Variants in DLGAP1 observed in about 807,000 individuals in gnomAD.
DLGAP1 encodes DLG associated protein 1.
Under a neutral mutation model 90.8 loss-of-function variants are expected in DLGAP1, and 11 were observed. The observed-to-expected ratio is 0.12, with a 90% CI of 0.08 to 0.20. The LOEUF is 0.20. Ranked by LOEUF, DLGAP1 falls within the 10% of genes least tolerant of loss-of-function variation. The pLI is 1.00. For synonymous variants in DLGAP1, 558 were observed against 540.7 expected (o/e 1.03, Z -0.44); for missense variants, 1,050 against 1,333.8 (o/e 0.79, Z 3.31).
At chr18:4,090,171 C>A (rs1017744777) in intron 2 of DLGAP1, among the ~76,000 whole-genome samples, 8 of 152,122 alleles carry the variant, frequency 5.3e-5, no homozygotes, top group Non-Finnish European at 1.2e-4. Flanking sequence ...CAATACTATT[C>A]AGGACATAGG....
chr18:3,814,881 T>C (rs1434803000), intron 4 of DLGAP1, among the ~76,000 whole-genome samples: 1 of 152,240 alleles, frequency 6.6e-6, no homozygotes, highest in Admixed American at 6.5e-5. Context: ...ATTGGTAATA[T>C]AATTATCTGA....
chr18:4,317,508 A>G (rs539383700), intron 1 of DLGAP1, among the ~76,000 whole-genome samples: 1 of 152,204 alleles, frequency 6.6e-6, no homozygotes, highest in South Asian at 2.1e-4. Context: ...TTCTTGCTCT[A>G]TTTTCTGTTT....
chr18:3,866,297 G>C (rs915811342), intron 4 of DLGAP1, among the ~76,000 whole-genome samples: 1 of 152,116 alleles, frequency 6.6e-6, no homozygotes, highest in Non-Finnish European at 1.5e-5. Context: ...CCAATTTTTT[G>C]GGGGGAACTT....
At chr18:3,602,848 A>T (rs997340643) in intron 7 of DLGAP1, among the ~76,000 whole-genome samples, 1 of 152,122 alleles carries the variant, frequency 6.6e-6, no homozygotes, top group Non-Finnish European at 1.5e-5. Flanking sequence ...AGCAACTATA[A>T]ATACTGCAAA....
At chr18:3,715,731 C>T (rs754364539) in intron 7 of DLGAP1, among the ~76,000 whole-genome samples, 1 of 152,118 alleles carries the variant, frequency 6.6e-6, no homozygotes, top group Non-Finnish European at 1.5e-5. Flanking sequence ...ACAGGTACAA[C>T]TGAAAGCATG....
intron 6 of DLGAP1, among the ~76,000 whole-genome samples, chr18:3,731,603 C>A (rs1168157972): frequency 6.3e-5 from 9 of 142,436 alleles, no homozygotes; most frequent in Admixed American, 4.4e-4. Context: ...GACAGGGTTT[C>A]CCCATGTTTC....
intron 7 of DLGAP1, among the ~76,000 whole-genome samples, chr18:3,610,311 T>A (rs2057543893): frequency 6.6e-6 from 1 of 152,122 alleles, no homozygotes; most frequent in Admixed American, 6.5e-5. Context: ...CAGCTAGGCT[T>A]TTTCTGAGGC....
intron 2 of DLGAP1, among the ~76,000 whole-genome samples, chr18:4,039,577 A>C (rs555894615): frequency 6.6e-6 from 1 of 152,244 alleles, no homozygotes; most frequent in Non-Finnish European, 1.5e-5. Flanking sequence ...TAGAAAGGGA[A>C]TATACATTGT....
intron 5 of DLGAP1, among the ~76,000 whole-genome samples, chr18:3,779,147 T>G (rs1009176694): frequency 1.3e-5 from 2 of 152,202 alleles, no homozygotes; most frequent in African/African-American, 2.4e-5. Flanking sequence ...TCTCAGAGCC[T>G]AGATCCTGGT....
chr18:4,332,212 A>G (rs1312176028), intron 1 of DLGAP1, among the ~76,000 whole-genome samples: 1 of 151,972 alleles, frequency 6.6e-6, no homozygotes, highest in Admixed American at 6.5e-5. Flanking sequence ...ATATTAATCG[A>G]AACTTTAGTT....
intron 1 of DLGAP1, among the ~76,000 whole-genome samples, chr18:4,317,791 T>C (rs898260421): frequency 2.6e-5 from 4 of 152,228 alleles, no homozygotes; most frequent in Admixed American, 6.5e-5. Context: ...GCTATTGCCA[T>C]TGGGCAGTTA....
chr18:3,513,376 A>C (rs1300617077), intron 10 of DLGAP1, among the ~76,000 whole-genome samples: 2 of 152,202 alleles, frequency 1.3e-5, no homozygotes, highest in African/African-American at 4.8e-5. Flanking sequence ...ATGGGGTCCT[A>C]TAGCCCTGAA....
At chr18:4,055,381 C>T (rs947104445) in intron 2 of DLGAP1, among the ~76,000 whole-genome samples, 2 of 152,168 alleles carry the variant, frequency 1.3e-5, no homozygotes, top group African/African-American at 4.8e-5. Context: ...ATTTCATCAT[C>T]CAGATGATAA....
In DLGAP1 at chr18:4,383,178, A is replaced by T. The variant is rs1350525842; in HGVS notation, c.-267+71828T>A. Among the ~76,000 whole-genome samples the T allele has an allele frequency of 6.6e-6, 1 of 152,186 alleles. No homozygotes were observed. The highest frequency in any genetic ancestry group is 2.4e-5 in the African/African-American group (1 of 41,440). ...AGAATTACTGCATCATTATCCAGAT[A>T]GAACAAAAGCACAAACAAAACATTA... On this transcript the variant is annotated intron_variant, in intron 1 of 12. Transcript: ENST00000315677. The surrounding 1 kb of genome is among the most constrained non-coding windows in gnomAD (Gnocchi z 4.0).
At chr18:4,314,738 G>A (rs1324840161) in intron 1 of DLGAP1, among the ~76,000 whole-genome samples, 1 of 152,142 alleles carries the variant, frequency 6.6e-6, no homozygotes, top group East Asian at 1.9e-4. Context: ...GACCTTCAGA[G>A]GGATTATGAC....
intron 7 of DLGAP1, among the ~76,000 whole-genome samples, chr18:3,626,599 A>AAAG (rs2058305302): frequency 6.6e-6 from 1 of 151,652 alleles, no homozygotes. Context: ...CCTGTTAAAA[A>AAAG]AAAAAAAAAA....
chr18:4,052,951 T>A (rs981006318), intron 2 of DLGAP1, among the ~76,000 whole-genome samples: 1 of 152,200 alleles, frequency 6.6e-6, no homozygotes, highest in Non-Finnish European at 1.5e-5. Flanking sequence ...TGGACTTCAC[T>A]GTCCATATCG....
intron 7 of DLGAP1, among the ~76,000 whole-genome samples, chr18:3,602,025 A>G (rs934245547): frequency 1.3e-5 from 2 of 151,784 alleles, no homozygotes; most frequent in African/African-American, 4.8e-5. Context: ...ATGAATAAAT[A>G]AATAAATAAA....
In DLGAP1 at chr18:3,659,466, CG is replaced by C. The variant is rs1412745274; in HGVS notation, c.1591+69668del. On this transcript the variant is annotated intron_variant, in intron 7 of 12. Transcript: ENST00000315677. ...TACCACCCCCCGCCGCCCCCACCCC[CG>C]GTTTCTTTTTCATAGTCTGCAGAAG... Among the ~76,000 whole-genome samples the C allele has an allele frequency of 8.4e-3, 1,235 of 147,224 alleles. 42 individuals are homozygous for C. Among genetic ancestry groups the C allele is most frequent in the African/African-American group, 0.031 (1,175 of 38,106 alleles).
Sources: allele counts gnomAD v4.1 joint callset (sites outside exome capture counted in the v4.1 genomes callset), GRCh38; gene constraint gnomAD v4.1.1; non-coding constraint Gnocchi (gnomAD v3.1); transcripts MANE v1.5; gene names NCBI Gene and HGNC (gene_info 2026-07-23, HGNC 2026-07-21).